ARFIP1: variants seen among roughly 807,000 people sequenced by gnomAD.
The protein encoded by ARFIP1 is arfaptin-1.
ARFIP1 carries 24 observed loss-of-function variants against 42.5 expected under a neutral mutation model. The observed-to-expected ratio is 0.57, with a 90% CI of 0.41 to 0.80. The LOEUF (loss-of-function observed/expected upper bound fraction) is 0.80, where lower values mean the gene tolerates loss of function less well. Among genes scored for constraint, ARFIP1 ranks in the 30% least tolerant of loss-of-function variants. ARFIP1 has a pLI of 0.00. For missense variants in ARFIP1, 354 were observed against 434.0 expected (o/e 0.82, Z 1.64); for synonymous variants, 141 against 153.7 (o/e 0.92, Z 0.61).
intron 1 of ARFIP1, among the ~76,000 whole-genome samples, chr4:152,789,096 T>C (rs1413866042): frequency 7.2e-6 from 1 of 139,444 alleles, no homozygotes; most frequent in Non-Finnish European, 1.6e-5. Context: ...TTTTTTTTTT[T>C]TTTTTTTTTT....
At position 152,888,139 on chromosome 4, in the gene ARFIP1, A is replaced by G. The variant is rs1231547558; in HGVS notation, c.798A>G (p.Glu266=). ...TVKQYESARI[E]YDAYRTDLEE... ...CTTACTCTCTTCTTTCCAGGATTGA[A>G]TATGATGCATATCGCACTGATTTGG... Residue 266 remains glutamate, a synonymous_variant, in exon 8 of 9, where the codon GAA becomes GAG. Transcript: ENST00000353617. 3.7e-6 allele frequency: 6 copies of G among 1,600,646 alleles called. No homozygotes were observed. The highest frequency in any genetic ancestry group is 1.7e-4 in the Middle Eastern group (1 of 5,992).
intron 1 of ARFIP1, among the ~76,000 whole-genome samples, chr4:152,799,645 A>C (rs564720760): frequency 1.3e-5 from 2 of 152,370 alleles, no homozygotes; most frequent in South Asian, 4.1e-4. Flanking sequence ...TTGTAGTTAC[A>C]GGTAATCCTG....
chr4:152,841,663 A>G (rs1218746473), intron 2 of ARFIP1, among the ~76,000 whole-genome samples: 4 of 152,160 alleles, frequency 2.6e-5, no homozygotes, highest in African/African-American at 7.2e-5. Context: ...GTTTCACTGG[A>G]TACAAAATTA....
chr4:152,872,306 A>G (rs1734954428), intron 4 of ARFIP1, 146 bp from the exon 5 acceptor site: 2 of 590,594 alleles, frequency 3.4e-6, no homozygotes, highest in East Asian at 6.3e-5. Context: ...CAGCGATTCC[A>G]GGAAGTTCTA....
chr4:152,801,155 T>G (rs189425479), intron 1 of ARFIP1, among the ~76,000 whole-genome samples: 1 of 152,292 alleles, frequency 6.6e-6, no homozygotes, highest in East Asian at 1.9e-4. Flanking sequence ...TAAGTTATTT[T>G]ATAATGTAAT....
At chr4:152,804,093 A>ATATATATTATATATAAGATGTAT (rs1728673067) in intron 1 of ARFIP1, among the ~76,000 whole-genome samples, 2 of 79,872 alleles carry the variant, frequency 2.5e-5, no homozygotes, top group African/African-American at 8.9e-5. Context: ...ATATAACGTA[A>ATATATATTATATATAAGATGTAT]TATATATTAT....
chr4:152,863,652 A>T lies in ARFIP1; in HGVS notation c.140A>T (p.Gln47Leu). ...LPSGLGLSET[Q>L]ITSHGFDNTK... ...TCTGGACTTGGTCTCTCAGAAACCC[A>T]AATTACATCTCATGGCTTTGACAAT... Residue 47 changes from glutamine to leucine, a missense_variant, in exon 3 of 9, where the codon CAA (glutamine) becomes CTA (leucine). By Grantham distance (113) the Gln-to-Leu change is moderately radical. Coordinates refer to ENST00000353617, the MANE Select transcript of ARFIP1 (RefSeq NM_001025595.3). The T allele has an allele frequency of 6.2e-7, 1 of 1,611,728 alleles. No individual in the cohort carries two copies. The highest frequency in any genetic ancestry group is 8.5e-7 in the Non-Finnish European group (1 of 1,178,070).
At chr4:152,868,569 C>CT (rs2149881118) in intron 3 of ARFIP1, among the ~76,000 whole-genome samples, 1 of 152,278 alleles carries the variant, frequency 6.6e-6, no homozygotes, top group Admixed American at 6.5e-5. Context: ...TGCTATTTTA[C>CT]TTTGAAAATT....
intron 1 of ARFIP1, chr4:152,796,342 A>G: frequency 1.3e-6 from 1 of 744,802 alleles, no homozygotes; most frequent in Admixed American, 2.2e-5. Flanking sequence ...TGAATCTTTC[A>G]TATTTAGGTG....
intron 2 of ARFIP1, among the ~76,000 whole-genome samples, chr4:152,846,695 A>C (rs1460538335): frequency 6.6e-6 from 1 of 152,142 alleles, no homozygotes; most frequent in Non-Finnish European, 1.5e-5. Context: ...TAGACTAGTG[A>C]AGAGATCTCA....
chr4:152,852,011 A>C (rs963220435), intron 2 of ARFIP1, among the ~76,000 whole-genome samples: 1 of 152,240 alleles, frequency 6.6e-6, no homozygotes, highest in Non-Finnish European at 1.5e-5. Flanking sequence ...TTTTGCCAAA[A>C]GCATATTTTG....
intron 7 of ARFIP1, chr4:152,883,315 A>T (rs1218383964): frequency 1.2e-5 from 2 of 160,960 alleles, no homozygotes; most frequent in South Asian, 3.6e-4. Flanking sequence ...ATGTTCTACC[A>T]GGTAGGTATT....
intron 4 of ARFIP1, among the ~76,000 whole-genome samples, chr4:152,871,923 T>C (rs1035261045): frequency 6.6e-6 from 1 of 152,112 alleles, no homozygotes; most frequent in African/African-American, 2.4e-5. Flanking sequence ...ATACTAGTGA[T>C]AGCATATCTT....
At chr4:152,820,452 A>AG in intron 1 of ARFIP1, among the ~76,000 whole-genome samples, 1 of 152,300 alleles carries the variant, frequency 6.6e-6, no homozygotes, top group South Asian at 2.1e-4. Context: ...TGCTAAAAAA[A>AG]CTATCTGAGA....
intron 1 of ARFIP1, among the ~76,000 whole-genome samples, chr4:152,807,428 G>C (rs926335276): frequency 6.6e-6 from 1 of 152,106 alleles, no homozygotes; most frequent in East Asian, 1.9e-4. Flanking sequence ...CTCACATTTG[G>C]TATTATAGTC....
chr4:152,844,860 C>T (rs1463363144), intron 2 of ARFIP1, among the ~76,000 whole-genome samples: 1 of 152,044 alleles, frequency 6.6e-6, no homozygotes, highest in African/African-American at 2.4e-5. Context: ...CTAGAAAAAA[C>T]TATCCTAAAA....
At chr4:152,791,878 TGTG>T (rs567925432) in intron 1 of ARFIP1, among the ~76,000 whole-genome samples, 7 of 152,158 alleles carry the variant, frequency 4.6e-5, no homozygotes, top group Non-Finnish European at 1.0e-4. Context: ...TTTTAAAAGT[TGTG>T]GTAATATAAA....
At chr4:152,788,925 AGTT>A (rs1195618281) in intron 1 of ARFIP1, among the ~76,000 whole-genome samples, 2 of 148,940 alleles carry the variant, frequency 1.3e-5, no homozygotes, top group Non-Finnish European at 3.0e-5. Flanking sequence ...ACAAGTTGAT[AGTT>A]TTGAAGATTA....
chr4:152,848,711 A>G (rs1416455215), intron 2 of ARFIP1, among the ~76,000 whole-genome samples: 1 of 152,234 alleles, frequency 6.6e-6, no homozygotes, highest in African/African-American at 2.4e-5. Flanking sequence ...TAGGTCAGAG[A>G]TAGTGTGTAT....
Sources: gnomAD v4.1 joint callset for allele counts (sites outside exome capture counted in the v4.1 genomes callset) on GRCh38, gnomAD v4.1.1 for gene constraint, MANE v1.5 for transcripts, NCBI Gene and HGNC (gene_info 2026-07-23, HGNC 2026-07-21) for gene names.